The following RORB variants were observed in gnomAD, a reference collection of about 807,000 sequenced individuals.
RORB encodes the protein RAR related orphan receptor B.
A neutral mutation model predicts 59.1 loss-of-function variants in RORB; 6 were observed. The observed-to-expected ratio is 0.10, with a 90% CI of 0.06 to 0.20. RORB has a LOEUF of 0.20. Ranked by LOEUF, RORB falls within the 10% of genes least tolerant of loss-of-function variation. The pLI, the probability that RORB is intolerant of heterozygous loss-of-function variation, is 1.00. For synonymous variants in RORB, 215 were observed against 204.5 expected (o/e 1.05, Z -0.44); for missense variants, 320 against 560.5 (o/e 0.57, Z 4.33).
At chr9:74,498,017 G>A in intron 1 of RORB, 34 bp downstream of exon 1, 1 of 1,605,518 alleles carries the variant, frequency 6.2e-7, no homozygotes. Flanking sequence ...GGCTCCCCGA[G>A]TCCGGCCAAC....
intron 1 of RORB, among the ~76,000 whole-genome samples, chr9:74,583,151 G>A (rs938152472): frequency 1.3e-5 from 2 of 152,054 alleles, no homozygotes; most frequent in African/African-American, 4.8e-5. Context: ...CCACTTCAAG[G>A]ACTGACACAA....
At chr9:74,610,096 T>G (rs1262159319) in intron 1 of RORB, among the ~76,000 whole-genome samples, 1 of 152,256 alleles carries the variant, frequency 6.6e-6, no homozygotes, top group Non-Finnish European at 1.5e-5. Context: ...TTACTGATGA[T>G]TAATTCTCAG....
intron 3 of RORB, among the ~76,000 whole-genome samples, chr9:74,640,809 C>T (rs974122326): frequency 6.6e-6 from 1 of 151,316 alleles, no homozygotes; most frequent in African/African-American, 2.4e-5. Flanking sequence ...TTCTGATCAG[C>T]CTATGCTCAG....
At chr9:74,652,236 A>G (rs1010403974) in intron 4 of RORB, among the ~76,000 whole-genome samples, 1 of 152,122 alleles carries the variant, frequency 6.6e-6, no homozygotes, top group Non-Finnish European at 1.5e-5. Flanking sequence ...GTGAAACTTC[A>G]TCTCTACTAA....
chr9:74,645,566 C>T (rs917521252), intron 4 of RORB, among the ~76,000 whole-genome samples: 2 of 152,040 alleles, frequency 1.3e-5, no homozygotes, highest in Non-Finnish European at 2.9e-5. Flanking sequence ...AGTACAGTAC[C>T]TATCATATGT....
chr9:74,609,738 C>G (rs1372013857), intron 1 of RORB, among the ~76,000 whole-genome samples: 1 of 152,200 alleles, frequency 6.6e-6, no homozygotes, highest in Non-Finnish European at 1.5e-5. Flanking sequence ...GAGTAACTTG[C>G]ACTAATCATA....
At chr9:74,645,380 T>C (rs901003444) in intron 4 of RORB, among the ~76,000 whole-genome samples, 23 of 152,204 alleles carry the variant, frequency 1.5e-4, no homozygotes, top group Middle Eastern at 3.2e-3. Flanking sequence ...ATCTGTGGTA[T>C]AGTGTGGTGA....
intron 6 of RORB, among the ~76,000 whole-genome samples, chr9:74,665,111 G>A (rs551317331): frequency 1.1e-4 from 16 of 152,184 alleles, no homozygotes; most frequent in African/African-American, 3.6e-4. Flanking sequence ...AATATTAGTG[G>A]AAAAATAGAG....
At chr9:74,510,333 T>C (rs1022501285) in intron 1 of RORB, among the ~76,000 whole-genome samples, 5 of 152,164 alleles carry the variant, frequency 3.3e-5, no homozygotes, top group Admixed American at 1.3e-4. Context: ...ATCCTCTTTG[T>C]TTTACAGCAT....
At chr9:74,522,990 T>G (rs1169255688) in intron 1 of RORB, among the ~76,000 whole-genome samples, 1 of 151,856 alleles carries the variant, frequency 6.6e-6, no homozygotes, top group Non-Finnish European at 1.5e-5. Flanking sequence ...TGAGTTTAGG[T>G]GCATAACAAG....
intron 4 of RORB, among the ~76,000 whole-genome samples, chr9:74,659,034 T>C (rs1336443655): frequency 6.6e-6 from 1 of 152,172 alleles, no homozygotes; most frequent in Non-Finnish European, 1.5e-5. Flanking sequence ...CAGAATTAAG[T>C]ATCTCCACTG....
chr9:74,634,782 T>C lies in RORB; in HGVS notation c.235+10T>C, dbSNP rs1823675237. On this transcript the variant is annotated intron_variant, in intron 3 of 9. Coordinates refer to ENST00000376896, the MANE Select transcript of RORB (RefSeq NM_006914.4). ...GGAATGTCAAGAGATGGTAAGACAT[T>C]ACCTTCCTGTTTCTTACTTAAGCCC... is the stretch of plus-strand genomic sequence containing the variant. The C allele has an allele frequency of 6.2e-7, 1 of 1,607,852 alleles. No homozygotes were observed. The highest frequency in any genetic ancestry group is 8.5e-7 in the Non-Finnish European group (1 of 1,177,364).
chr9:74,644,666 C>T (rs1001698180), intron 4 of RORB, among the ~76,000 whole-genome samples: 1 of 152,142 alleles, frequency 6.6e-6, no homozygotes, highest in Non-Finnish European at 1.5e-5. Flanking sequence ...GGAAAAGGCA[C>T]CTTCCTTTGC....
intron 1 of RORB, among the ~76,000 whole-genome samples, chr9:74,592,388 T>C (rs2118292450): frequency 6.6e-6 from 1 of 152,338 alleles, no homozygotes; most frequent in African/African-American, 2.4e-5. Context: ...ATTTCTCACA[T>C]GGTTGACCAC....
chr9:74,676,222 C>G (rs568085245), intron 9 of RORB, among the ~76,000 whole-genome samples: 1 of 152,300 alleles, frequency 6.6e-6, no homozygotes, highest in South Asian at 2.1e-4. Context: ...CTAGCCCCTC[C>G]TTTTGTGCCT....
intron 1 of RORB, among the ~76,000 whole-genome samples, chr9:74,621,574 C>T (rs575808381): frequency 1.3e-5 from 2 of 152,146 alleles, no homozygotes; most frequent in African/African-American, 4.8e-5. Context: ...GTCATGTGGA[C>T]GTAAGTTTTC....
chr9:74,617,384 G>A (rs1160377509), intron 1 of RORB, among the ~76,000 whole-genome samples: 2 of 152,152 alleles, frequency 1.3e-5, no homozygotes, highest in African/African-American at 4.8e-5. Flanking sequence ...TACTTTTTGT[G>A]GCAATTATAC....
chr9:74,563,714 G>A (rs939344849), intron 1 of RORB, among the ~76,000 whole-genome samples: 1 of 152,216 alleles, frequency 6.6e-6, no homozygotes, highest in African/African-American at 2.4e-5. Flanking sequence ...GGATGCTGAG[G>A]CATGCAGAAC....
chr9:74,629,984 T>C (rs1185072441), intron 1 of RORB, among the ~76,000 whole-genome samples: 1 of 152,210 alleles, frequency 6.6e-6, no homozygotes, highest in Non-Finnish European at 1.5e-5. Flanking sequence ...CCCACTACTT[T>C]TAAGGTCAAA....
Sources: gnomAD v4.1 joint callset for allele counts (sites outside exome capture counted in the v4.1 genomes callset) on GRCh38, gnomAD v4.1.1 for gene constraint, MANE v1.5 for transcripts, NCBI Gene and HGNC (gene_info 2026-07-23, HGNC 2026-07-21) for gene names.